AGXT2: variants seen among roughly 807,000 people sequenced by gnomAD.
The protein encoded by AGXT2 is alanine--glyoxylate aminotransferase 2, mitochondrial.
In AGXT2, 61 loss-of-function variants were observed where a neutral mutation model predicts 62.5. The observed-to-expected ratio is 0.98, with a 90% CI of 0.79 to 1.21. AGXT2 has a LOEUF of 1.21. AGXT2 is among the 50% of genes most tolerant of loss of function. AGXT2 has a pLI of 0.00. For synonymous variants in AGXT2, 243 were observed against 218.7 expected, an observed-to-expected ratio of 1.11 and a Z score of -0.98; for missense variants, 666 against 641.5, an observed-to-expected ratio of 1.04 and a Z score of -0.41.
intron 7 of AGXT2, among the ~76,000 whole-genome samples, chr5:35,031,849 T>C (rs1275448346): frequency 1.3e-5 from 2 of 151,120 alleles, no homozygotes; most frequent in East Asian, 3.9e-4. Flanking sequence ...CTCTTTCCAC[T>C]GGTATGGGTT....
chr5:35,022,599 G>A (rs1767151906), intron 9 of AGXT2, among the ~76,000 whole-genome samples: 3 of 150,482 alleles, frequency 2.0e-5, no homozygotes, highest in Admixed American at 2.0e-4. Context: ...GGGAGGGATA[G>A]CATTGGGACA....
chr5:35,002,781 G>T (rs1046220223), intron 13 of AGXT2, among the ~76,000 whole-genome samples: 3 of 72,726 alleles, frequency 4.1e-5, no homozygotes, highest in East Asian at 6.8e-4. Flanking sequence ...CAGGCTGGGG[G>T]GGGGGACTAA....
At chr5:35,033,262 T>C in intron 6 of AGXT2, 198 bp downstream of exon 6, 1 of 587,806 alleles carries the variant, frequency 1.7e-6, no homozygotes, top group Non-Finnish European at 3.0e-6. Context: ...TAAAACTCTG[T>C]CATTAATTAT....
intron 5 of AGXT2, among the ~76,000 whole-genome samples, chr5:35,034,129 G>A (rs1234998845): frequency 6.6e-6 from 1 of 152,076 alleles, no homozygotes; most frequent in South Asian, 2.1e-4. Flanking sequence ...CAAGGATTTA[G>A]GACCGTTAAG....
At chr5:35,036,026 G>A (rs1767755579) in intron 4 of AGXT2, among the ~76,000 whole-genome samples, 2 of 151,916 alleles carry the variant, frequency 1.3e-5, no homozygotes, top group African/African-American at 2.4e-5. Context: ...GCAGTGAGCC[G>A]AGATTGCGCC....
chr5:35,026,901 TAACTC>T (rs1767376364), intron 7 of AGXT2: 1 of 985,108 alleles, frequency 1.0e-6, no homozygotes, highest in Non-Finnish European at 1.2e-6. Context: ...TATTTGAAAA[TAACTC>T]TATTTACCTT....
chr5:35,026,586 A>G, intron 7 of AGXT2, 76 bp from the exon 8 acceptor site: 2 of 1,272,090 alleles, frequency 1.6e-6, no homozygotes, highest in Non-Finnish European at 2.3e-6. Context: ...AAACATGGGG[A>G]AAAACAGGAA....
rs1233098855 is a variant in AGXT2 at position 35,043,752 on chromosome 5, G to A, written c.89-3089C>T. ...GGGGTCTTACATGGAGTGCAGTGGT[G>A]GAATCTCTGCTCATTGCAACCTCTA... On this transcript the variant is annotated intron_variant, in intron 1 of 13. Coordinates refer to ENST00000231420, the MANE Select transcript of AGXT2 (RefSeq NM_031900.4). 5.9e-5 allele frequency among the ~76,000 whole-genome samples: 9 copies of A among 152,210 alleles called. No individual in the cohort carries two copies. The East Asian group carries it at 1.7e-3, about 29-fold the overall frequency.
At chr5:35,032,516 C>T (rs1375525542) in intron 7 of AGXT2, among the ~76,000 whole-genome samples, 2 of 152,198 alleles carry the variant, frequency 1.3e-5, no homozygotes, top group Non-Finnish European at 2.9e-5. Context: ...GATGCTTTTC[C>T]TACATGGCCA....
At chr5:35,002,708 A>C (rs910611879) in intron 13 of AGXT2, among the ~76,000 whole-genome samples, 1 of 152,200 alleles carries the variant, frequency 6.6e-6, no homozygotes, top group African/African-American at 2.4e-5. Context: ...CTCTGCCTCC[A>C]GAACTATGAG....
intron 1 of AGXT2, among the ~76,000 whole-genome samples, chr5:35,041,520 C>G (rs1263567620): frequency 6.6e-6 from 1 of 152,096 alleles, no homozygotes; most frequent in Non-Finnish European, 1.5e-5. Flanking sequence ...CAGACTTTGG[C>G]CCCCCTGCAG....
At position 35,041,217 on chromosome 5, in the gene AGXT2, C is replaced by T. The variant is rs1252399713; in HGVS notation, c.89-554G>A. On this transcript the variant is annotated intron_variant, in intron 1 of 13. Coordinates refer to ENST00000231420, the MANE Select transcript of AGXT2 (RefSeq NM_031900.4). ...AATAGACCCAGAAGACAAAACCTCCCCCCGCCAAAAAAAAAAAAAAAAAAA... is the reference window on the plus strand; with the variant it reads ...AATAGACCCAGAAGACAAAACCTCCTCCCGCCAAAAAAAAAAAAAAAAAAA... Among the ~76,000 whole-genome samples the T allele has an allele frequency of 6.3e-4, 5 of 7,970 alleles. 1 individual carries two copies. The South Asian group carries it at 0.012, about 20-fold the overall frequency. 5.2% of individuals were successfully genotyped at this position (7,970 alleles called of 152,430 possible).
intron 7 of AGXT2, 22 bp downstream of exon 7, chr5:35,032,710 C>T: frequency 1.3e-6 from 2 of 1,584,424 alleles, no homozygotes; most frequent in Non-Finnish European, 1.7e-6. Flanking sequence ...ACTCCACTGG[C>T]ACCCCCCTTG....
intron 11 of AGXT2, among the ~76,000 whole-genome samples, chr5:35,010,590 C>T (rs1316753166): frequency 6.6e-6 from 1 of 151,984 alleles, no homozygotes; most frequent in Non-Finnish European, 1.5e-5. Context: ...GAGGCTGAGG[C>T]AGGAGAATTG....
chr5:35,044,514 T>A (rs555480281), intron 1 of AGXT2, among the ~76,000 whole-genome samples: 1 of 152,346 alleles, frequency 6.6e-6, no homozygotes, highest in East Asian at 1.9e-4. Flanking sequence ...GGTGCCTGCA[T>A]CCGCTAAGCA....
At chr5:35,017,693 C>T (rs1250151569) in intron 9 of AGXT2, among the ~76,000 whole-genome samples, 1 of 152,166 alleles carries the variant, frequency 6.6e-6, no homozygotes, top group African/African-American at 2.4e-5. Context: ...AACGCAGTTC[C>T]TCACCAGTAA....
intron 4 of AGXT2, 132 bp from the exon 5 acceptor site, chr5:35,035,448 C>CG: frequency 1.3e-6 from 1 of 742,062 alleles, no homozygotes; most frequent in Non-Finnish European, 2.4e-6. Context: ...TCGGGTTACC[C>CG]AGCAGTTCCA....
chr5:35,023,981 C>T (rs973663929), intron 9 of AGXT2, among the ~76,000 whole-genome samples: 5 of 152,058 alleles, frequency 3.3e-5, no homozygotes, highest in Non-Finnish European at 5.9e-5. Flanking sequence ...GCAACCTCCA[C>T]CTCCTGGGTT....
intron 7 of AGXT2, among the ~76,000 whole-genome samples, chr5:35,030,299 G>A (rs567026581): frequency 2.9e-4 from 44 of 152,326 alleles, no homozygotes; most frequent in Non-Finnish European, 3.7e-4. Context: ...CCTGAAGTCA[G>A]GAGTTCGAGA....
Sources: gnomAD v4.1 joint callset for allele counts (sites outside exome capture counted in the v4.1 genomes callset) on GRCh38, gnomAD v4.1.1 for gene constraint, MANE v1.5 for transcripts, NCBI Gene and HGNC (gene_info 2026-07-23, HGNC 2026-07-21) for gene names.